UBR3: variants seen among roughly 807,000 people sequenced by gnomAD.
UBR3 encodes E3 ubiquitin-protein ligase UBR3.
In UBR3, 85 loss-of-function variants were observed where a neutral mutation model predicts 243.2. The ratio of observed to expected loss-of-function variants is 0.35; its 90% CI spans 0.29 to 0.42. UBR3 has a LOEUF of 0.42. Ranked by LOEUF, UBR3 falls within the 10% of genes least tolerant of loss-of-function variation. The probability of loss-of-function intolerance (pLI) is 1.00; values close to 1 mark genes in which losing one functional copy is unlikely to be tolerated. For missense variants in UBR3, 1,686 were observed against 2,300.8 expected (o/e 0.73, Z 5.47); for synonymous variants, 748 against 799.8 (o/e 0.94, Z 1.09).
intron 5 of UBR3, among the ~76,000 whole-genome samples, chr2:169,888,327 C>T (rs1250166433): frequency 3.4e-5 from 5 of 148,370 alleles, no homozygotes; most frequent in African/African-American, 5.0e-5. Context: ...TTAGTGGAGA[C>T]GGGGTTTCAA....
intron 35 of UBR3, among the ~76,000 whole-genome samples, chr2:170,071,459 G>T (rs2091696574): frequency 6.6e-6 from 1 of 152,134 alleles, no homozygotes; most frequent in Non-Finnish European, 1.5e-5. Context: ...AAGAGTAGGG[G>T]CCAGGATTGG....
chr2:169,846,456 A>G (rs936920957), intron 1 of UBR3, among the ~76,000 whole-genome samples: 4 of 152,218 alleles, frequency 2.6e-5, no homozygotes, highest in Admixed American at 1.3e-4. Flanking sequence ...TCACGCCTGT[A>G]ATCCCAGCAC....
intron 1 of UBR3, among the ~76,000 whole-genome samples, chr2:169,838,718 C>T: frequency 6.6e-6 from 1 of 152,174 alleles, no homozygotes; most frequent in East Asian, 1.9e-4. Context: ...TCATTCCATT[C>T]CAGTAACTCC....
chr2:169,868,648 T>C (rs1253034345), intron 1 of UBR3, among the ~76,000 whole-genome samples: 3 of 139,274 alleles, frequency 2.2e-5, no homozygotes, highest in African/African-American at 2.6e-5. Context: ...ATAATCACAG[T>C]GTTGTTGTCA....
intron 25 of UBR3, among the ~76,000 whole-genome samples, chr2:169,990,167 C>T (rs925233687): frequency 7.2e-5 from 11 of 152,066 alleles, no homozygotes; most frequent in Admixed American, 2.6e-4. Flanking sequence ...GCTTTTAACT[C>T]TTTATTTTTA....
At chr2:170,068,323 C>G (rs1352818029) in intron 35 of UBR3, among the ~76,000 whole-genome samples, 1 of 151,932 alleles carries the variant, frequency 6.6e-6, no homozygotes, top group Non-Finnish European at 1.5e-5. Context: ...CAGAAATTAG[C>G]CGGGCATGTT....
At chr2:169,989,948 G>A (rs1442021435) in intron 25 of UBR3, among the ~76,000 whole-genome samples, 1 of 152,016 alleles carries the variant, frequency 6.6e-6, no homozygotes, top group East Asian at 1.9e-4. Context: ...ACATTTTTTG[G>A]TGTGGCAAGT....
intron 19 of UBR3, among the ~76,000 whole-genome samples, chr2:169,940,392 A>G (rs995440316): frequency 3.3e-5 from 5 of 152,154 alleles, no homozygotes; most frequent in Non-Finnish European, 5.9e-5. Context: ...GCGCCTTAAA[A>G]TGTCTGCATG....
At chr2:170,050,212 A>G (rs2091185998) in intron 32 of UBR3, among the ~76,000 whole-genome samples, 1 of 152,226 alleles carries the variant, frequency 6.6e-6, no homozygotes, top group African/African-American at 2.4e-5. Context: ...TTTCACACAG[A>G]AAAGAACATC....
intron 1 of UBR3, among the ~76,000 whole-genome samples, chr2:169,845,492 TTCGTCGTCATCGTCGTCG>T (rs1287828645): frequency 1.1e-3 from 134 of 123,524 alleles, no homozygotes; most frequent in Middle Eastern, 3.6e-3. Flanking sequence ...CCTTTCCCTC[TTCGTCGTCATCGTCGTCG>T]TCGTCGTCGT....
At chr2:169,841,387 C>G (rs138894428) in intron 1 of UBR3, among the ~76,000 whole-genome samples, 3,438 of 152,288 alleles carry the variant, frequency 0.023, 120 homozygotes, top group African/African-American at 0.077. Flanking sequence ...TCAGAGCCCT[C>G]GCTTGCTCTC....
intron 1 of UBR3, among the ~76,000 whole-genome samples, chr2:169,854,244 T>A (rs1399203774): frequency 1.1e-4 from 16 of 152,228 alleles, no homozygotes; most frequent in African/African-American, 3.9e-4. Context: ...AAAATTCTTG[T>A]CAGAAATATA....
chr2:169,920,198 C>T (rs554450691), intron 11 of UBR3, among the ~76,000 whole-genome samples: 26 of 152,212 alleles, frequency 1.7e-4, no homozygotes, highest in Non-Finnish European at 3.1e-4. Context: ...CCATCATTCT[C>T]AGCAAACTAT....
intron 1 of UBR3, among the ~76,000 whole-genome samples, chr2:169,832,580 A>T (rs1387489134): frequency 6.6e-6 from 1 of 151,432 alleles, no homozygotes; most frequent in Non-Finnish European, 1.5e-5. Context: ...AAAAAAAACA[A>T]AAAAACTGTA....
chr2:169,913,072 T>C (rs1004440221), intron 10 of UBR3, among the ~76,000 whole-genome samples: 1 of 152,236 alleles, frequency 6.6e-6, no homozygotes, highest in Non-Finnish European at 1.5e-5. Context: ...CATGAGCCAC[T>C]GTGCCCAGCT....
chr2:170,019,232 A>G (rs2090325266), intron 30 of UBR3, among the ~76,000 whole-genome samples: 1 of 152,168 alleles, frequency 6.6e-6, no homozygotes, highest in Admixed American at 6.5e-5. Flanking sequence ...CTTAATTTTG[A>G]TGTAATCTAT....
chr2:169,857,534 AG>A (rs1392553374), intron 1 of UBR3, among the ~76,000 whole-genome samples: 1 of 151,314 alleles, frequency 6.6e-6, no homozygotes, highest in East Asian at 1.9e-4. Context: ...CTCCTGCCTC[AG>A]CCTCCCAAGT....
Position 169,862,690 on chromosome 2 carries a change from A to G in UBR3, c.546-9546A>G, listed in dbSNP as rs1359049189. 2.0e-5 allele frequency among the ~76,000 whole-genome samples: 3 copies of G among 152,302 alleles called. No homozygotes were observed. The South Asian group carries it at 6.2e-4, about 32-fold the overall frequency. On this transcript the variant is annotated intron_variant, in intron 1 of 38. Coordinates refer to ENST00000272793, the MANE Select transcript of UBR3 (RefSeq NM_172070.4). ...TTGTTATTTTCACTGGATCATATTAAATATATAGATTGGTTTAGGTAGATA... is the reference window on the plus strand; with the variant it reads ...TTGTTATTTTCACTGGATCATATTAGATATATAGATTGGTTTAGGTAGATA...
chr2:169,828,730 C>T (rs1313867426), intron 1 of UBR3, among the ~76,000 whole-genome samples: 3 of 152,088 alleles, frequency 2.0e-5, no homozygotes, highest in African/African-American at 4.8e-5. Flanking sequence ...TTACAGAATA[C>T]CCTCCATACC....
Sources: allele counts gnomAD v4.1 joint callset (sites outside exome capture counted in the v4.1 genomes callset), GRCh38; gene constraint gnomAD v4.1.1; transcripts MANE v1.5; gene names NCBI Gene and HGNC (gene_info 2026-07-23, HGNC 2026-07-21).